Variants in ANO4 observed in about 807,000 individuals in gnomAD.
ANO4 encodes the protein anoctamin 4.
In ANO4, 69 loss-of-function variants were observed where a neutral mutation model predicts 141.9. That is an observed-to-expected ratio of 0.49 (90% CI 0.40 to 0.59). The LOEUF is 0.59. ANO4 is among the 20% of genes least tolerant of loss of function. ANO4 has a pLI of 0.00. For synonymous variants in ANO4, 350 were observed against 394.3 expected (o/e 0.89, Z 1.33); for missense variants, 894 against 1,162.2 (o/e 0.77, Z 3.36).
chr12:100,948,692 G>A (rs948160695), intron 5 of ANO4, among the ~76,000 whole-genome samples: 1 of 152,170 alleles, frequency 6.6e-6, no homozygotes, highest in Admixed American at 6.5e-5. Context: ...GGTGGCCCGC[G>A]AATGATAGCA....
At chr12:101,068,724 A>T (rs111558258) in intron 14 of ANO4, 4 of 1,303,072 alleles carry the variant, frequency 3.1e-6, no homozygotes, top group Non-Finnish European at 4.4e-6. Flanking sequence ...AAATGACCAG[A>T]TCTCATAAAA....
At chr12:100,827,589 C>T (rs2036420540) in intron 1 of ANO4, among the ~76,000 whole-genome samples, 1 of 151,368 alleles carries the variant, frequency 6.6e-6, no homozygotes, top group Non-Finnish European at 1.5e-5. Context: ...TGTCAGCTGA[C>T]TAAATGAATG....
intron 2 of ANO4, among the ~76,000 whole-genome samples, chr12:100,912,240 C>T (rs1017123095): frequency 2.0e-5 from 3 of 151,714 alleles, no homozygotes; most frequent in Non-Finnish European, 4.4e-5. Context: ...ACTAAAAATA[C>T]ATAAATTAAC....
chr12:100,827,349 GT>G (rs1315684319), intron 1 of ANO4, among the ~76,000 whole-genome samples: 1 of 151,528 alleles, frequency 6.6e-6, no homozygotes, highest in Non-Finnish European at 1.5e-5. Context: ...CTTTCTTCAG[GT>G]TTTTATTTAA....
chr12:101,089,308 C>A (rs1484375030), intron 17 of ANO4, among the ~76,000 whole-genome samples: 1 of 151,664 alleles, frequency 6.6e-6, no homozygotes, highest in Non-Finnish European at 1.5e-5. Context: ...TATTAAAATA[C>A]ATAAAACATC....
At chr12:101,086,590 C>G in intron 16 of ANO4, 70 bp from the exon 17 acceptor site, 1 of 1,558,656 alleles carries the variant, frequency 6.4e-7, no homozygotes, top group South Asian at 1.1e-5. Context: ...AGAGGATGTT[C>G]CAGGAATGTG....
upstream of ANO4, among the ~76,000 whole-genome samples, chr12:100,793,588 A>AG (rs1032588296): frequency 7.9e-5 from 12 of 152,154 alleles, no homozygotes; most frequent in African/African-American, 2.9e-4. Flanking sequence ...AAAACAGAAA[A>AG]CAAAACCCGA....
intron 3 of ANO4, among the ~76,000 whole-genome samples, chr12:100,929,174 C>G (rs560570870): frequency 5.9e-5 from 9 of 152,118 alleles, no homozygotes; most frequent in East Asian, 1.9e-4. Context: ...ATTATTGACT[C>G]TAGTTACCCT....
intron 22 of ANO4, among the ~76,000 whole-genome samples, chr12:101,109,247 T>C (rs2050566815): frequency 6.6e-6 from 1 of 152,180 alleles, no homozygotes; most frequent in South Asian, 2.1e-4. Flanking sequence ...ACTGGTGATA[T>C]TTACTTTGAT....
At chr12:100,988,983 G>A (rs1206086322) in intron 8 of ANO4, among the ~76,000 whole-genome samples, 2 of 152,078 alleles carry the variant, frequency 1.3e-5, no homozygotes, top group South Asian at 2.1e-4. Flanking sequence ...ACAGAAAAAC[G>A]GTTAAAGTCT....
At chr12:100,855,357 C>T (rs186646891) in intron 1 of ANO4, among the ~76,000 whole-genome samples, 1 of 152,178 alleles carries the variant, frequency 6.6e-6, no homozygotes, top group African/African-American at 2.4e-5. Context: ...AGAAAAATTT[C>T]CCCATAATCC....
intron 22 of ANO4, among the ~76,000 whole-genome samples, chr12:101,107,358 G>A (rs2050490066): frequency 6.6e-6 from 1 of 152,098 alleles, no homozygotes; most frequent in South Asian, 2.1e-4. Flanking sequence ...CTACTTTCAT[G>A]AAGCTCACTG....
chr12:101,109,651 T>C (rs1403847604), intron 22 of ANO4, among the ~76,000 whole-genome samples: 1 of 152,194 alleles, frequency 6.6e-6, no homozygotes, highest in Non-Finnish European at 1.5e-5. Flanking sequence ...AAAAGTTATG[T>C]GAGGAGATAC....
intron 2 of ANO4, among the ~76,000 whole-genome samples, chr12:100,915,589 T>C (rs1218401784): frequency 6.6e-6 from 1 of 152,140 alleles, no homozygotes; most frequent in Non-Finnish European, 1.5e-5. Context: ...AAGTCCCAGG[T>C]TACAAGATTT....
At position 101,105,680 on chromosome 12, in the gene ANO4, T is replaced by G. The variant is rs974381359; in HGVS notation, c.2150-4724T>G. Among the ~76,000 whole-genome samples, 9 of 152,290 alleles carry G rather than the reference T, an allele frequency of 5.9e-5. No individual in the cohort carries two copies. In the East Asian group the frequency reaches 1.3e-3, roughly 23 times the overall value. ...GGTTTAGCACACAGAGACTTTCAAATAGCTATGATTTACGTATAAAAATAG... is the reference window on the plus strand; with the variant it reads ...GGTTTAGCACACAGAGACTTTCAAAGAGCTATGATTTACGTATAAAAATAG... On this transcript the variant is annotated intron_variant, in intron 22 of 27. Coordinates refer to ENST00000392977, the MANE Select transcript of ANO4 (RefSeq NM_001286615.2).
Position 100,939,349 on chromosome 12 carries a change from A to C in ANO4, c.195A>C (p.Leu65Phe). The change falls in exon 4 of 28, where the codon TTA becomes TTC. Residue 65 changes from leucine (L) to phenylalanine (F), a missense_variant. Transcript: ENST00000392977. ...AKDVNILFDE[L>F]EAVSSPCKDD... ...ATGTCAATATTCTTTTTGATGAATT[A>C]GAAGCTGTCAGCAGTCCTTGCAAAG... The C allele has an allele frequency of 1.2e-6, 2 of 1,613,512 alleles. No individual in the cohort carries two copies. Among genetic ancestry groups the C allele is most frequent in the Non-Finnish European group, 1.7e-6 (2 of 1,179,542 alleles).
At chr12:100,751,607 T>C (rs2032382527) in intron 3 of ANO4, among the ~76,000 whole-genome samples, 1 of 152,116 alleles carries the variant, frequency 6.6e-6, no homozygotes, top group Non-Finnish European at 1.5e-5. Context: ...TCCCAGGTCG[T>C]GTAACTCATA....
At chr12:100,798,695 C>A (rs1388593493) in intron 1 of ANO4, among the ~76,000 whole-genome samples, 1 of 152,098 alleles carries the variant, frequency 6.6e-6, no homozygotes, top group Non-Finnish European at 1.5e-5. Flanking sequence ...GGAGGAGAAC[C>A]AAATCACAGC....
intron 1 of ANO4, among the ~76,000 whole-genome samples, chr12:100,718,193 G>C (rs1482162036): frequency 2.0e-5 from 3 of 152,178 alleles, no homozygotes; most frequent in Non-Finnish European, 4.4e-5. Flanking sequence ...GGTTCTGAAG[G>C]AAAACAAAAT....
Sources: gnomAD v4.1 joint callset for allele counts (sites outside exome capture counted in the v4.1 genomes callset) on GRCh38, gnomAD v4.1.1 for gene constraint, MANE v1.5 for transcripts, NCBI Gene and HGNC (gene_info 2026-07-23, HGNC 2026-07-21) for gene names.